Variants in RBM47 observed in about 807,000 individuals in gnomAD.
The protein encoded by RBM47 is RNA binding motif protein 47.
Under a neutral mutation model 47.1 loss-of-function variants are expected in RBM47, and 21 were observed. The ratio of observed to expected loss-of-function variants is 0.45; its 90% CI spans 0.32 to 0.64. The LOEUF is 0.64. RBM47 is among the 30% of genes least tolerant of loss of function. The pLI is 0.05. For missense variants in RBM47, 708 were observed against 870.9 expected, an observed-to-expected ratio of 0.81 and a Z score of 2.35; for synonymous variants, 375 against 361.7, an observed-to-expected ratio of 1.04 and a Z score of -0.42.
chr4:40,598,544 C>T (rs190975541), intron 1 of RBM47, among the ~76,000 whole-genome samples: 5 of 152,048 alleles, frequency 3.3e-5, no homozygotes, highest in Admixed American at 3.3e-4. Context: ...GCCACTGCGC[C>T]CGGCCCCAAT....
chr4:40,456,711 C>T (rs976821252), intron 3 of RBM47, among the ~76,000 whole-genome samples: 6 of 151,674 alleles, frequency 4.0e-5, no homozygotes, highest in Non-Finnish European at 7.4e-5. Context: ...GATCCTCTCA[C>T]CTCAGCCTCT....
chr4:40,617,153 G>C (rs1736829392), intron 1 of RBM47, among the ~76,000 whole-genome samples: 1 of 151,924 alleles, frequency 6.6e-6, no homozygotes, highest in East Asian at 1.9e-4. Flanking sequence ...TGGGATTACA[G>C]GCGTGAGACA....
intron 2 of RBM47, among the ~76,000 whole-genome samples, chr4:40,528,954 AAATAAATAAAT>A (rs1560447651): frequency 2.9e-5 from 3 of 103,580 alleles, no homozygotes; most frequent in Non-Finnish European, 6.0e-5. Flanking sequence ...AAAAAAAAAT[AAATAAATAAAT>A]AAATAAATAA....
intron 2 of RBM47, among the ~76,000 whole-genome samples, chr4:40,528,906 G>T (rs1172526933): frequency 6.6e-6 from 1 of 151,610 alleles, no homozygotes; most frequent in South Asian, 2.1e-4. Context: ...TCCCGCCACT[G>T]CACTCCAGCC....
intron 3 of RBM47, among the ~76,000 whole-genome samples, chr4:40,445,411 C>G (rs924113779): frequency 6.6e-6 from 1 of 152,176 alleles, no homozygotes; most frequent in African/African-American, 2.4e-5. Flanking sequence ...GGCTCAGCTC[C>G]TGACACTTAT....
intron 6 of RBM47, among the ~76,000 whole-genome samples, chr4:40,431,979 T>C (rs1384562012): frequency 6.6e-6 from 1 of 150,954 alleles, no homozygotes; most frequent in Non-Finnish European, 1.5e-5. Context: ...GCCTCCCCAG[T>C]AGCTGGGACT....
chr4:40,570,232 T>A (rs1731579159), intron 1 of RBM47, among the ~76,000 whole-genome samples: 1 of 151,918 alleles, frequency 6.6e-6, no homozygotes. Flanking sequence ...ATTGTGCACT[T>A]TATTTCTATT....
chr4:40,622,615 C>G (rs1416877188), intron 1 of RBM47, among the ~76,000 whole-genome samples: 1 of 152,182 alleles, frequency 6.6e-6, no homozygotes, highest in Non-Finnish European at 1.5e-5. Flanking sequence ...GGTGAGGTAG[C>G]TCACACCTGC....
intron 2 of RBM47, among the ~76,000 whole-genome samples, chr4:40,509,590 A>G (rs73235644): frequency 0.27 from 41,297 of 152,108 alleles, 6,167 homozygotes; most frequent in African/African-American, 0.37. Flanking sequence ...TTTAAAAAGT[A>G]AAGAAACTGG....
At chr4:40,432,536 A>C in intron 6 of RBM47, 115 bp downstream of exon 6, 1 of 1,525,064 alleles carries the variant, frequency 6.6e-7, no homozygotes, top group South Asian at 1.3e-5. Context: ...TCACCCAACC[A>C]TAGCTGTAAC....
intron 2 of RBM47, among the ~76,000 whole-genome samples, chr4:40,501,123 T>C (rs914300070): frequency 6.6e-6 from 1 of 152,000 alleles, no homozygotes; most frequent in South Asian, 2.1e-4. Flanking sequence ...AAATGCTGCA[T>C]AGAAGAGCAG....
rs1737933991 is a variant in RBM47 at position 40,628,432 on chromosome 4, G to A, written c.-240+964C>T. On this transcript the variant is annotated intron_variant, in intron 1 of 6. Transcript: ENST00000295971. The surrounding 1 kb of genome is among the most constrained non-coding windows in gnomAD (Gnocchi z 4.0). The stretch of plus-strand genomic sequence containing the variant: ...TCTAGAGGTTGTGTGTTACGCCGCT[G>A]ACCACCTTTCACCTTTTAGAATCGG... Among the ~76,000 whole-genome samples the A allele has an allele frequency of 6.6e-6, 1 of 152,148 alleles. No individual in the cohort carries two copies.
chr4:40,626,893 G>A (rs2154282583), intron 1 of RBM47, among the ~76,000 whole-genome samples: 1 of 152,308 alleles, frequency 6.6e-6, no homozygotes, highest in African/African-American at 2.4e-5. Flanking sequence ...ACTTGAGGTG[G>A]CAACTGAGCA....
In RBM47 at chr4:40,426,048, A is replaced by T. The variant is rs763065032; in HGVS notation, c.1638T>A (p.Ala546=). The T allele has an allele frequency of 6.2e-6, 10 of 1,614,054 alleles. No individual in the cohort carries two copies. In the African/African-American group the frequency reaches 1.2e-4, roughly 19 times the overall value. ...GTGTGGCGATCGTGGCTGTAGCTGG[A>T]GCAGCAAATGGCACGTAACTGGCCC... ...IYGASYVPFA[A]PATATIATLQ... Residue 546 remains alanine (A), a synonymous_variant, in exon 7 of 7, where the codon GCT becomes GCA. Coordinates refer to ENST00000295971, the MANE Select transcript of RBM47 (RefSeq NM_001098634.2).
chr4:40,508,576 G>A (rs371437365), intron 2 of RBM47, among the ~76,000 whole-genome samples: 4 of 152,246 alleles, frequency 2.6e-5, no homozygotes, highest in African/African-American at 9.6e-5. Context: ...CCGATAAAGG[G>A]TTGAGTGAGA....
At chr4:40,569,968 T>A (rs1731555439) in intron 1 of RBM47, among the ~76,000 whole-genome samples, 1 of 152,036 alleles carries the variant, frequency 6.6e-6, no homozygotes, top group Non-Finnish European at 1.5e-5. Flanking sequence ...CGCCTTGGCC[T>A]CCCAAAGTGC....
At chr4:40,535,378 T>TTTTTTTTTTTCTTTTTTTTTTC in intron 2 of RBM47, among the ~76,000 whole-genome samples, 7 of 137,048 alleles carry the variant, frequency 5.1e-5, no homozygotes, top group African/African-American at 2.0e-4. Context: ...TTTCTTTTTT[T>TTTTTTTTTTTCTTTTTTTTTTC]TTTTTTTTTT....
chr4:40,607,406 T>C (rs1449635500), intron 1 of RBM47, among the ~76,000 whole-genome samples: 1 of 152,152 alleles, frequency 6.6e-6, no homozygotes, highest in African/African-American at 2.4e-5. Context: ...TCTGGGATAA[T>C]GAAAATATTC....
At chr4:40,564,269 T>C (rs1401388763) in intron 1 of RBM47, among the ~76,000 whole-genome samples, 1 of 152,182 alleles carries the variant, frequency 6.6e-6, no homozygotes, top group Admixed American at 6.5e-5. Flanking sequence ...TCTGGGCTCT[T>C]TCCTCTTCTG....
Sources: gnomAD v4.1 joint callset for allele counts (sites outside exome capture counted in the v4.1 genomes callset) on GRCh38, gnomAD v4.1.1 for gene constraint, Gnocchi (gnomAD v3.1) non-coding constraint, MANE v1.5 for transcripts, NCBI Gene and HGNC (gene_info 2026-07-23, HGNC 2026-07-21) for gene names.